The following GPATCH8 variants were observed in gnomAD, a reference collection of about 807,000 sequenced individuals.
GPATCH8 encodes the protein G-patch domain containing 8.
GPATCH8 carries 18 observed loss-of-function variants against 118.3 expected under a neutral mutation model. The observed-to-expected ratio is 0.15, with a 90% CI of 0.11 to 0.23. The LOEUF (loss-of-function observed/expected upper bound fraction) is 0.23, where lower values mean the gene tolerates loss of function less well. Ranked by LOEUF, GPATCH8 falls within the 10% of genes least tolerant of loss-of-function variation. The pLI is 1.00. For synonymous variants in GPATCH8, 659 were observed against 684.7 expected (o/e 0.96, Z 0.59); for missense variants, 1,631 against 1,873.8 (o/e 0.87, Z 2.39).
At chr17:44,411,221 C>T (rs180697004) in intron 6 of GPATCH8, among the ~76,000 whole-genome samples, 364 of 152,262 alleles carry the variant, frequency 2.4e-3, no homozygotes, top group African/African-American at 8.6e-3. Context: ...GAAATACGGC[C>T]TCTTTCTATA....
intron 2 of GPATCH8, among the ~76,000 whole-genome samples, chr17:44,466,162 T>C (rs1424138165): frequency 1.3e-5 from 2 of 151,220 alleles, no homozygotes. Context: ...CGCACAACAC[T>C]ATGCCTGGAT....
rs2048905211 is a variant in GPATCH8 at position 44,399,187 on chromosome 17, T to C, written c.2890A>G (p.Ser964Gly). 2 of 1,613,192 alleles carry C rather than the reference T, an allele frequency of 1.2e-6. No homozygotes were observed. Among genetic ancestry groups the C allele is most frequent in the Non-Finnish European group, 8.5e-7 (1 of 1,179,224 alleles). ...CGCTTGCTTCGACTACGACTACAAC[T>C]GCTGCTGCGGCTGCGGCCCCGGGAT... ...SRSRGRSRSS[S>G]CSRSRSKRRS... The change falls in exon 8 of 8, where the codon AGT becomes GGT. Residue 964 changes from serine (S) to glycine (G), a missense_variant. Physicochemically the swap from Ser to Gly is moderately conservative, Grantham distance 56 (BLOSUM62 0). Coordinates refer to ENST00000591680, the MANE Select transcript of GPATCH8 (RefSeq NM_001002909.4).
chr17:44,407,594 C>T lies in GPATCH8; in HGVS notation c.493-1543G>A, dbSNP rs576644090. Among the ~76,000 whole-genome samples the T allele has an allele frequency of 7.2e-5, 11 of 152,030 alleles. No homozygotes were observed. In the South Asian group the frequency reaches 2.1e-3, roughly 29 times the overall value. ...AAAAAGCAGTCCTGTTTCCATTAGCCCTTATTATGGGGGAAGTTCAAGTAA... is the reference window on the plus strand; with the variant it reads ...AAAAAGCAGTCCTGTTTCCATTAGCTCTTATTATGGGGGAAGTTCAAGTAA... On this transcript the variant is annotated intron_variant, in intron 6 of 7. Transcript: ENST00000591680.
chr17:44,440,194 T>G (rs190257492), intron 3 of GPATCH8, among the ~76,000 whole-genome samples: 246 of 152,326 alleles, frequency 1.6e-3, no homozygotes, highest in Non-Finnish European at 2.9e-3. Flanking sequence ...GTTGCTTGTT[T>G]CACTCCAAAG....
chr17:44,493,392 A>C (rs1174150670), intron 1 of GPATCH8, among the ~76,000 whole-genome samples: 2 of 152,152 alleles, frequency 1.3e-5, no homozygotes, highest in Non-Finnish European at 2.9e-5. Flanking sequence ...GATGTTCTGA[A>C]ACAAAAATTA....
chr17:44,433,762 T>C (rs535250692), intron 5 of GPATCH8, among the ~76,000 whole-genome samples: 3 of 152,212 alleles, frequency 2.0e-5, no homozygotes, highest in Non-Finnish European at 2.9e-5. Context: ...GGAATCTACA[T>C]AGAAGCAGCA....
chr17:44,452,421 T>TAATAAATGATGGCTATTATA (rs1211068788), intron 3 of GPATCH8, among the ~76,000 whole-genome samples: 1 of 152,066 alleles, frequency 6.6e-6, no homozygotes, highest in African/African-American at 2.4e-5. Flanking sequence ...AGTAAACACT[T>TAATAAATGATGGCTATTATA]AATAAATGAT....
At chr17:44,494,470 T>A (rs917717186) in intron 1 of GPATCH8, among the ~76,000 whole-genome samples, 7 of 152,114 alleles carry the variant, frequency 4.6e-5, no homozygotes, top group African/African-American at 1.7e-4. Flanking sequence ...CATGCACCTG[T>A]AATCCCAGCT....
chr17:44,485,997 T>C (rs2144439037), intron 1 of GPATCH8, among the ~76,000 whole-genome samples: 1 of 152,300 alleles, frequency 6.6e-6, no homozygotes, highest in East Asian at 1.9e-4. Flanking sequence ...TGGGCTCAAC[T>C]GATTCTCCTA....
chr17:44,475,680 C>T (rs937401828), intron 1 of GPATCH8, among the ~76,000 whole-genome samples: 16 of 151,806 alleles, frequency 1.1e-4, no homozygotes, highest in Admixed American at 4.6e-4. Flanking sequence ...GGAGACAGAG[C>T]GAGACTCCAT....
chr17:44,442,152 GAGAA>G (rs1222544289), intron 3 of GPATCH8, among the ~76,000 whole-genome samples: 1 of 143,886 alleles, frequency 6.9e-6, no homozygotes, highest in Non-Finnish European at 1.5e-5. Context: ...GAAGGAGAGA[GAGAA>G]AGAGAGTTTC....
intron 6 of GPATCH8, among the ~76,000 whole-genome samples, chr17:44,414,358 G>C (rs1360636076): frequency 1.3e-5 from 2 of 151,608 alleles, no homozygotes; most frequent in African/African-American, 4.9e-5. Context: ...CTGCACTGGA[G>C]AGCAGTGGCA....
intron 3 of GPATCH8, among the ~76,000 whole-genome samples, chr17:44,442,760 G>C (rs889600226): frequency 5.9e-5 from 9 of 152,098 alleles, no homozygotes; most frequent in Admixed American, 5.9e-4. Context: ...CAATGAGCCC[G>C]GCCTAAAATC....
At chr17:44,448,549 GGAAGAGGAAGAA>G (rs1271437329) in intron 3 of GPATCH8, among the ~76,000 whole-genome samples, 1 of 101,568 alleles carries the variant, frequency 9.8e-6, no homozygotes, top group South Asian at 2.8e-4. Flanking sequence ...AAGAAGAAGA[GGAAGAGGAAGAA>G]GAAGAGGAAG....
chr17:44,485,655 C>T (rs1459213557), intron 1 of GPATCH8, among the ~76,000 whole-genome samples: 2 of 152,168 alleles, frequency 1.3e-5, no homozygotes, highest in East Asian at 1.9e-4. Flanking sequence ...AGTGTCCCCA[C>T]ACTCTTCCTA....
intron 1 of GPATCH8, among the ~76,000 whole-genome samples, chr17:44,502,864 C>T (rs1231682948): frequency 6.6e-6 from 1 of 152,200 alleles, no homozygotes; most frequent in East Asian, 1.9e-4. Flanking sequence ...TGATTTATCA[C>T]AGTGAAGAAA....
chr17:44,489,828 T>TA (rs769963852), intron 1 of GPATCH8, among the ~76,000 whole-genome samples: 4 of 152,224 alleles, frequency 2.6e-5, no homozygotes, highest in Non-Finnish European at 4.4e-5. Context: ...CTGACAAACT[T>TA]AGACTTATCA....
chr17:44,503,385 TC>T lies in GPATCH8; in HGVS notation c.-16del, dbSNP rs1258408848. The T allele has an allele frequency of 3.1e-6, 5 of 1,602,508 alleles. No individual in the cohort carries two copies. Among genetic ancestry groups the T allele is most frequent in the Non-Finnish European group, 4.3e-6 (5 of 1,174,408 alleles). On this transcript the variant is annotated 5_prime_UTR_variant, in exon 1 of 8. Transcript: ENST00000591680. Reference sequence around the variant, plus strand: ...CGGTCCGCCATTTTGCCGCCTTCACTCCTCTCAGGACGACGCTCTCCGGTTC... The same window carrying T: ...CGGTCCGCCATTTTGCCGCCTTCACTCTCTCAGGACGACGCTCTCCGGTTC...
chr17:44,470,180 A>T (rs1307361785), intron 2 of GPATCH8, among the ~76,000 whole-genome samples: 1 of 152,154 alleles, frequency 6.6e-6, no homozygotes, highest in Non-Finnish European at 1.5e-5. Flanking sequence ...TCTGCCTTCT[A>T]TATAGCTTAA....
Sources: allele counts gnomAD v4.1 joint callset (sites outside exome capture counted in the v4.1 genomes callset), GRCh38; gene constraint gnomAD v4.1.1; transcripts MANE v1.5; gene names NCBI Gene and HGNC (gene_info 2026-07-23, HGNC 2026-07-21).